WWC2: variants seen among roughly 807,000 people sequenced by gnomAD.
The protein encoded by WWC2 is protein WWC2.
A neutral mutation model predicts 138.5 loss-of-function variants in WWC2; 101 were observed. That is an observed-to-expected ratio of 0.73 (90% CI 0.62 to 0.86). WWC2 has a LOEUF of 0.86. Among genes scored for constraint, WWC2 ranks in the 40% least tolerant of loss-of-function variants. The probability of loss-of-function intolerance (pLI) is 0.00; values close to 1 mark genes in which losing one functional copy is unlikely to be tolerated. For missense variants in WWC2, 1,420 were observed against 1,419.4 expected, an observed-to-expected ratio of 1.00 and a Z score of -0.01; for synonymous variants, 558 against 538.4, an observed-to-expected ratio of 1.04 and a Z score of -0.50.
chr4:183,212,978 G>A (rs11934928), intron 4 of WWC2, among the ~76,000 whole-genome samples: 3,719 of 152,212 alleles, frequency 0.024, 153 homozygotes, highest in African/African-American at 0.085. Flanking sequence ...CTTCAAGAAG[G>A]TGCTTCCCTC....
Position 183,099,508 on chromosome 4 carries a change from G to C in WWC2, c.17G>C (p.Gly6Ala). ...CCGCCGACCATGCCTAGGAGGGCCG[G>C]GAGCGGTCAGCTGCCGCTGCCCCGG... MPRRAGSGQLPLPRGW... is the reference protein window; with the variant it reads MPRRAASGQLPLPRGW... The change falls in exon 1 of 23, where the codon GGG becomes GCG. Residue 6 changes from glycine (G) to alanine (A), a missense_variant. Gly to Ala is a moderately conservative substitution (Grantham distance 60). Transcript: ENST00000403733. 1 of 1,387,704 alleles carries C rather than the reference G, an allele frequency of 7.2e-7. No homozygotes were observed. Among genetic ancestry groups the C allele is most frequent in the South Asian group, 1.6e-5 (1 of 63,748 alleles). 86.0% of individuals were successfully genotyped at this position (1,387,704 alleles called of 1,614,324 possible). A position where few individuals can be genotyped will look rare whatever the true frequency, so the allele number is the denominator to read the frequency against.
Position 183,209,028 on chromosome 4 carries a change from A to G in WWC2, c.522+3A>G. The G allele has an allele frequency of 1.3e-6, 2 of 1,557,110 alleles. No individual in the cohort carries two copies. The highest frequency in any genetic ancestry group is 8.7e-7 in the Non-Finnish European group (1 of 1,146,030). On this transcript the variant is annotated splice_donor_region_variant and intron_variant, in intron 4 of 22. Coordinates refer to ENST00000403733, the MANE Select transcript of WWC2 (RefSeq NM_024949.6). ...AGATCTCCACTACAAGATTAAGGGT[A>G]AGAAGTTTTAAATTGTGGTTCTATG...
chr4:183,129,944 G>A (rs1484845874), intron 1 of WWC2, among the ~76,000 whole-genome samples: 8 of 151,982 alleles, frequency 5.3e-5, no homozygotes, highest in Admixed American at 5.2e-4. Flanking sequence ...CAGGGCTGTT[G>A]TGTTTTCTGT....
At chr4:183,274,111 T>C (rs1737780221) in intron 16 of WWC2, among the ~76,000 whole-genome samples, 1 of 152,248 alleles carries the variant, frequency 6.6e-6, no homozygotes. Flanking sequence ...ACTGCACTGC[T>C]TTGATTACTA....
At chr4:183,133,354 G>A (rs368221039) in intron 1 of WWC2, among the ~76,000 whole-genome samples, 81 of 151,692 alleles carry the variant, frequency 5.3e-4, no homozygotes, top group African/African-American at 1.9e-3. Flanking sequence ...GATAATTATA[G>A]GATGCCATAG....
intron 1 of WWC2, among the ~76,000 whole-genome samples, chr4:183,123,064 T>C (rs1410211095): frequency 6.6e-6 from 1 of 152,068 alleles, no homozygotes; most frequent in Admixed American, 6.6e-5. Flanking sequence ...TTCATCATTG[T>C]TGATAGGAGT....
intron 1 of WWC2, among the ~76,000 whole-genome samples, chr4:183,144,455 G>T (rs965720532): frequency 6.6e-6 from 1 of 151,764 alleles, no homozygotes; most frequent in Admixed American, 6.6e-5. Context: ...TCAATTGCAG[G>T]TTGAAAAAAA....
intron 5 of WWC2, among the ~76,000 whole-genome samples, chr4:183,243,885 T>TA (rs1276507329): frequency 4.6e-5 from 7 of 152,090 alleles, no homozygotes; most frequent in African/African-American, 1.7e-4. Context: ...TTGAAGTCTT[T>TA]AATTGCTTGT....
At position 183,271,193 on chromosome 4, in the gene WWC2, G is replaced by A. The variant is rs2111382262; in HGVS notation, c.2514G>A (p.Glu838=). ...CTTGCAAAAAGAATGAAGAAAATGA[G>A]GACTCTGTATTTCAACCAAACCAGC... ...QMPCKKNEEN[E]DSVFQPNQPL... Residue 838 remains glutamate, a synonymous_variant, in exon 16 of 23, where the codon GAG becomes GAA. Coordinates refer to ENST00000403733, the MANE Select transcript of WWC2 (RefSeq NM_024949.6). The A allele has an allele frequency of 6.2e-7, 1 of 1,612,892 alleles. No homozygotes were observed. The highest frequency in any genetic ancestry group is 1.3e-5 in the African/African-American group (1 of 74,928).
chr4:183,319,928 GA>G lies in WWC2; in HGVS notation c.*4200del, dbSNP rs1739582462. On this transcript the variant is annotated 3_prime_UTR_variant, in exon 23 of 23. Transcript: ENST00000403733. Reference sequence around the variant, plus strand: ...TCAAACAGTCCAGGCCAAACCCAGAGACCAGCAGGCCCAGAAATCCCAGCCC... The same window carrying G: ...TCAAACAGTCCAGGCCAAACCCAGAGCCAGCAGGCCCAGAAATCCCAGCCC... The G allele has an allele frequency of 1.2e-6, 2 of 1,613,420 alleles. No homozygotes were observed. Among genetic ancestry groups the G allele is most frequent in the Non-Finnish European group, 1.7e-6 (2 of 1,179,696 alleles).
At chr4:183,242,525 A>G (rs979020277) in intron 5 of WWC2, among the ~76,000 whole-genome samples, 1 of 152,208 alleles carries the variant, frequency 6.6e-6, no homozygotes, top group Non-Finnish European at 1.5e-5. Context: ...GCAGTGTAGT[A>G]TATGTGTAAA....
At chr4:183,104,505 G>T (rs1743289477) in intron 1 of WWC2, among the ~76,000 whole-genome samples, 1 of 152,098 alleles carries the variant, frequency 6.6e-6, no homozygotes, top group African/African-American at 2.4e-5. Context: ...ACTTATAAGA[G>T]CAAAGAAAAC....
chr4:183,233,025 G>A (rs140504357), intron 4 of WWC2, among the ~76,000 whole-genome samples: 2 of 151,428 alleles, frequency 1.3e-5, no homozygotes, highest in East Asian at 3.9e-4. Context: ...TAATGCTGCT[G>A]TGAACTTACA....
At chr4:183,142,439 C>T (rs1733329704) in intron 1 of WWC2, among the ~76,000 whole-genome samples, 1 of 152,116 alleles carries the variant, frequency 6.6e-6, no homozygotes, top group South Asian at 2.1e-4. Context: ...AGTTTATGCA[C>T]ACTAATGGAG....
intron 16 of WWC2, among the ~76,000 whole-genome samples, chr4:183,274,472 T>G (rs941514357): frequency 1.3e-5 from 2 of 152,224 alleles, no homozygotes; most frequent in Non-Finnish European, 2.9e-5. Flanking sequence ...GTCAGATGGG[T>G]AATGTGCTGA....
At chr4:183,164,425 T>A (rs1010897068) in intron 1 of WWC2, among the ~76,000 whole-genome samples, 3 of 141,344 alleles carry the variant, frequency 2.1e-5, no homozygotes, top group Admixed American at 7.4e-5. Flanking sequence ...TATATATTTT[T>A]ATATATATTT....
intron 11 of WWC2, among the ~76,000 whole-genome samples, chr4:183,263,855 G>A (rs1029458150): frequency 6.6e-5 from 10 of 152,126 alleles, no homozygotes; most frequent in African/African-American, 2.4e-4. Context: ...TATCAGGGAC[G>A]TTTGTCATCT....
At chr4:183,159,555 C>G (rs1029651856) in intron 1 of WWC2, among the ~76,000 whole-genome samples, 2 of 152,022 alleles carry the variant, frequency 1.3e-5, no homozygotes, top group African/African-American at 4.8e-5. Context: ...AAGCATGCAC[C>G]ACAACACCTG....
chr4:183,248,657 G>T, intron 6 of WWC2, 57 bp from the exon 7 acceptor site: 1 of 1,471,450 alleles, frequency 6.8e-7, no homozygotes, highest in Non-Finnish European at 9.1e-7. Flanking sequence ...ACCTGGTAGG[G>T]AAGGTTTGCT....
Sources: gnomAD v4.1 joint callset for allele counts (sites outside exome capture counted in the v4.1 genomes callset) on GRCh38, gnomAD v4.1.1 for gene constraint, MANE v1.5 for transcripts, NCBI Gene and HGNC (gene_info 2026-07-23, HGNC 2026-07-21) for gene names.